The following PTPRD variants were observed in gnomAD, a reference collection of about 807,000 sequenced individuals.
PTPRD encodes the protein protein tyrosine phosphatase receptor type D.
A neutral mutation model predicts 214.5 loss-of-function variants in PTPRD; 34 were observed. The observed-to-expected ratio is 0.16, with a 90% CI of 0.12 to 0.21. The LOEUF (loss-of-function observed/expected upper bound fraction) is 0.21. Among genes scored for constraint, PTPRD ranks in the 10% least tolerant of loss-of-function variants. The pLI is 1.00. For missense variants in PTPRD, 2,545 were observed against 2,398.7 expected (o/e 1.06, Z -1.27); for synonymous variants, 1,128 against 845.7 (o/e 1.33, Z -5.79).
intron 11 of PTPRD, among the ~76,000 whole-genome samples, chr9:8,946,891 A>T (rs971408438): frequency 1.4e-5 from 2 of 146,106 alleles, no homozygotes; most frequent in East Asian, 2.0e-4. Context: ...CTCTTTTTCT[A>T]TTGGTCTCTT....
At chr9:10,580,800 T>C (rs1240283409) in intron 2 of PTPRD, among the ~76,000 whole-genome samples, 1 of 152,214 alleles carries the variant, frequency 6.6e-6, no homozygotes. Flanking sequence ...GAGTATCTGA[T>C]CCTTAAATAA....
At chr9:10,448,298 CA>C (rs1385134380) in intron 2 of PTPRD, among the ~76,000 whole-genome samples, 1 of 151,816 alleles carries the variant, frequency 6.6e-6, no homozygotes, top group African/African-American at 2.4e-5. Context: ...AGAAACTGGC[CA>C]AACAGAGGGC....
intron 14 of PTPRD, among the ~76,000 whole-genome samples, chr9:8,602,088 G>A (rs569760587): frequency 6.6e-6 from 1 of 151,970 alleles, no homozygotes; most frequent in Admixed American, 6.6e-5. Context: ...ATGAAAAGGA[G>A]GGAAAAATGG....
At chr9:9,662,582 A>G (rs917760500) in intron 7 of PTPRD, among the ~76,000 whole-genome samples, 1 of 151,694 alleles carries the variant, frequency 6.6e-6, no homozygotes, top group Non-Finnish European at 1.5e-5. Context: ...TCTGAATAGT[A>G]TCAACATGAA....
intron 3 of PTPRD, among the ~76,000 whole-genome samples, chr9:10,215,509 GTTAA>G (rs2099537166): frequency 6.6e-6 from 1 of 151,988 alleles, no homozygotes; most frequent in African/African-American, 2.4e-5. Flanking sequence ...GCAACATTAA[GTTAA>G]TTAATACAGA....
chr9:9,093,270 A>C (rs1311591686), intron 10 of PTPRD, among the ~76,000 whole-genome samples: 1 of 152,068 alleles, frequency 6.6e-6, no homozygotes, highest in East Asian at 1.9e-4. Context: ...GCAATTGATA[A>C]AACAATTAAA....
chr9:9,023,196 A>G (rs1351440979), intron 10 of PTPRD, among the ~76,000 whole-genome samples: 3 of 152,144 alleles, frequency 2.0e-5, no homozygotes. Context: ...CACAACAGTA[A>G]GTGAGACATC....
At chr9:9,644,771 C>T (rs941947415) in intron 7 of PTPRD, among the ~76,000 whole-genome samples, 4 of 152,124 alleles carry the variant, frequency 2.6e-5, no homozygotes, top group Admixed American at 6.5e-5. Context: ...ACCACAAACC[C>T]CACTGGCAGA....
chr9:9,745,508 C>T (rs1171742464), intron 6 of PTPRD, among the ~76,000 whole-genome samples: 7 of 152,070 alleles, frequency 4.6e-5, no homozygotes, highest in Non-Finnish European at 7.4e-5. Context: ...TTATCACCAT[C>T]GTGGCAGGGC....
At position 9,320,421 on chromosome 9, in the gene PTPRD, T is replaced by C. The variant is rs551713022; in HGVS notation, c.-203+77028A>G. Among the ~76,000 whole-genome samples, 12 of 152,274 alleles carry C rather than the reference T, an allele frequency of 7.9e-5. No homozygotes were observed. In the East Asian group the frequency reaches 2.3e-3, roughly 29 times the overall value. ...AAGCCTATTCCTGAAAATCCTCATT[T>C]TAGAAATATATTATCTAATTATTAA... On this transcript the variant is annotated intron_variant, in intron 9 of 45. Transcript: ENST00000381196.
At chr9:9,990,733 G>A (rs1005587861) in intron 4 of PTPRD, among the ~76,000 whole-genome samples, 1 of 152,164 alleles carries the variant, frequency 6.6e-6, no homozygotes. Flanking sequence ...TGGCAAAATG[G>A]CATTTGCTTA....
At chr9:9,576,254 T>A (rs1320450678) in intron 7 of PTPRD, among the ~76,000 whole-genome samples, 1 of 152,196 alleles carries the variant, frequency 6.6e-6, no homozygotes, top group Non-Finnish European at 1.5e-5. Flanking sequence ...AGGATGATCA[T>A]ATGTGAAAGT....
chr9:8,523,539 G>A lies in PTPRD; in HGVS notation c.680-15C>T, dbSNP rs1311906242. On this transcript the variant is annotated splice_polypyrimidine_tract_variant and intron_variant, in intron 18 of 45. Transcript: ENST00000381196. Reference sequence around the variant, plus strand: ...TTCTCGCAGCTCTGAGGGATGTAGGGGGTTTGATGCAGAACACAATGAAAT... The same window carrying A: ...TTCTCGCAGCTCTGAGGGATGTAGGAGGTTTGATGCAGAACACAATGAAAT... 6.2e-7 allele frequency: 1 copy of A among 1,612,830 alleles called. No individual in the cohort carries two copies. Among genetic ancestry groups the A allele is most frequent in the Non-Finnish European group, 8.5e-7 (1 of 1,179,358 alleles).
chr9:10,521,100 C>A (rs545310388), intron 2 of PTPRD, among the ~76,000 whole-genome samples: 85 of 151,912 alleles, frequency 5.6e-4, no homozygotes, highest in African/African-American at 1.9e-3. Flanking sequence ...GGGAAAAGTG[C>A]ACTGAAAACC....
At chr9:9,154,575 G>C (rs576947957) in intron 10 of PTPRD, among the ~76,000 whole-genome samples, 1 of 152,036 alleles carries the variant, frequency 6.6e-6, no homozygotes, top group Admixed American at 6.6e-5. Flanking sequence ...TTATATAAAG[G>C]ACTTATCCCC....
At chr9:9,402,735 C>CA (rs200899585) in intron 8 of PTPRD, among the ~76,000 whole-genome samples, 7 of 33,946 alleles carry the variant, frequency 2.1e-4, no homozygotes, top group African/African-American at 9.0e-4. Context: ...AAAGACATAT[C>CA]AAAAAAAAAG....
chr9:10,372,488 G>A (rs16925900), intron 2 of PTPRD, among the ~76,000 whole-genome samples: 12,062 of 151,978 alleles, frequency 0.079, 530 homozygotes, highest in South Asian at 0.18. Context: ...AAAGAGTGCC[G>A]CCTTGTTCCT....
intron 4 of PTPRD, among the ~76,000 whole-genome samples, chr9:10,016,750 G>T (rs1047952504): frequency 2.0e-5 from 3 of 150,568 alleles, no homozygotes; most frequent in African/African-American, 7.3e-5. Flanking sequence ...CTGCATCCTC[G>T]ATCTCTTGGG....
chr9:10,515,731 T>C (rs1217764658), intron 2 of PTPRD, among the ~76,000 whole-genome samples: 5 of 151,958 alleles, frequency 3.3e-5, no homozygotes, highest in African/African-American at 1.2e-4. Context: ...ACCTGCTGAA[T>C]AGTAACTCCC....
Sources: allele counts gnomAD v4.1 joint callset (sites outside exome capture counted in the v4.1 genomes callset), GRCh38; gene constraint gnomAD v4.1.1; transcripts MANE v1.5; gene names NCBI Gene and HGNC (gene_info 2026-07-23, HGNC 2026-07-21).